CFAP299: variants seen among roughly 807,000 people sequenced by gnomAD.
CFAP299 encodes the protein cilia- and flagella-associated protein 299.
CFAP299 carries 21 observed loss-of-function variants against 27.0 expected under a neutral mutation model. The ratio of observed to expected loss-of-function variants is 0.78; its 90% CI spans 0.55 to 1.12. The LOEUF (loss-of-function observed/expected upper bound fraction) is 1.12. CFAP299 is among the 50% of genes most tolerant of loss of function. CFAP299 has a pLI of 0.00. For missense variants in CFAP299, 310 were observed against 276.6 expected (o/e 1.12, Z -0.86); for synonymous variants, 104 against 98.1 (o/e 1.06, Z -0.36).
chr4:80,329,204 T>TATAC, the CFAP299 span, among the ~76,000 whole-genome samples: 1 of 39,856 alleles, frequency 2.5e-5, no homozygotes. Flanking sequence ...CAGTACACTG[T>TATAC]ATACATATAT....
chr4:80,693,962 G>A (rs1328758194), intron 3 of CFAP299, among the ~76,000 whole-genome samples: 4 of 151,988 alleles, frequency 2.6e-5, no homozygotes, highest in African/African-American at 9.7e-5. Context: ...AAAGCCAAAT[G>A]TAGTCACTGA....
At chr4:80,910,343 G>A (rs1735404937) in intron 4 of CFAP299, among the ~76,000 whole-genome samples, 1 of 152,042 alleles carries the variant, frequency 6.6e-6, no homozygotes, top group Non-Finnish European at 1.5e-5. Flanking sequence ...TATATGTAAA[G>A]GAATATAAAT....
chr4:80,945,057 T>C, intron 5 of CFAP299, 118 bp downstream of exon 5: 2 of 1,013,012 alleles, frequency 2.0e-6, no homozygotes. Flanking sequence ...AGAAAGGAAA[T>C]AACATTTTGA....
At chr4:80,938,354 G>T (rs1737024189) in intron 4 of CFAP299, among the ~76,000 whole-genome samples, 1 of 152,206 alleles carries the variant, frequency 6.6e-6, no homozygotes, top group Non-Finnish European at 1.5e-5. Context: ...CCCACCCAGG[G>T]CGGAAAACTG....
At chr4:80,667,721 A>G (rs138158234) in intron 3 of CFAP299, among the ~76,000 whole-genome samples, 49 of 152,188 alleles carry the variant, frequency 3.2e-4, no homozygotes, top group African/African-American at 1.1e-3. Flanking sequence ...CCACTCATTC[A>G]TTGATGGGCA....
At position 80,800,045 on chromosome 4, in the gene CFAP299, A is replaced by C. The variant is rs1276022826; in HGVS notation, c.334-69948A>C. Among the ~76,000 whole-genome samples the C allele has an allele frequency of 1.1e-3, 70 of 64,066 alleles. 2 individuals carry two copies. The highest frequency in any genetic ancestry group is 4.4e-3 in the African/African-American group (67 of 15,296). 42.0% of individuals were successfully genotyped at this position (64,066 alleles called of 152,430 possible). A position where few individuals can be genotyped will look rare whatever the true frequency, so the allele number is the denominator to read the frequency against. The stretch of plus-strand genomic sequence containing the variant: ...TATTATATATAATATATAATAATAT[A>C]TAATAAATGCTATAATATATATTAT... On this transcript the variant is annotated intron_variant, in intron 3 of 5. Transcript: ENST00000358105.
chr4:80,599,369 G>A (rs761595517), intron 3 of CFAP299, among the ~76,000 whole-genome samples: 1 of 152,030 alleles, frequency 6.6e-6, no homozygotes, highest in South Asian at 2.1e-4. Context: ...TTTCTAACTC[G>A]TTATTAGCAG....
intron 2 of CFAP299, among the ~76,000 whole-genome samples, chr4:80,562,478 A>G (rs1486883667): frequency 2.6e-5 from 4 of 151,492 alleles, no homozygotes; most frequent in East Asian, 3.9e-4. Flanking sequence ...GGTGCCCGTA[A>G]TCCCAGCTAC....
chr4:80,674,411 C>T (rs913664999), intron 3 of CFAP299, among the ~76,000 whole-genome samples: 1 of 152,176 alleles, frequency 6.6e-6, no homozygotes, highest in Non-Finnish European at 1.5e-5. Flanking sequence ...TGATGGTCTT[C>T]CCTTTGTGGG....
intron 3 of CFAP299, among the ~76,000 whole-genome samples, chr4:80,859,597 G>C (rs1028436045): frequency 6.6e-6 from 1 of 151,846 alleles, no homozygotes. Flanking sequence ...CTCTTTTAGG[G>C]CAGGCCTGGT....
intron 3 of CFAP299, among the ~76,000 whole-genome samples, chr4:80,670,529 G>T (rs1219279479): frequency 6.6e-6 from 1 of 152,168 alleles, no homozygotes; most frequent in Non-Finnish European, 1.5e-5. Context: ...GGGTCAAATG[G>T]TATTTCTAGA....
chr4:80,806,001 G>T (rs529725216), intron 3 of CFAP299, among the ~76,000 whole-genome samples: 171 of 152,238 alleles, frequency 1.1e-3, no homozygotes, highest in African/African-American at 4.0e-3. Flanking sequence ...TTAATAACAT[G>T]TAAAATAATA....
chr4:80,767,376 G>A (rs1035408902), intron 3 of CFAP299, among the ~76,000 whole-genome samples: 2 of 152,114 alleles, frequency 1.3e-5, no homozygotes, highest in Non-Finnish European at 2.9e-5. Context: ...TTGGGAGGCC[G>A]AGGCGGGTGG....
At chr4:80,411,793 A>G (rs1376119038) in intron 2 of CFAP299, among the ~76,000 whole-genome samples, 3 of 152,144 alleles carry the variant, frequency 2.0e-5, no homozygotes, top group African/African-American at 4.8e-5. Context: ...TTTGCATTCA[A>G]TAATTTAGAC....
At chr4:80,898,830 C>G (rs190674777) in intron 4 of CFAP299, among the ~76,000 whole-genome samples, 66 of 152,006 alleles carry the variant, frequency 4.3e-4, no homozygotes, top group African/African-American at 1.6e-3. Flanking sequence ...AGGTAATTTC[C>G]AGGAAATAAA....
chr4:80,897,383 T>C (rs1191104136), intron 4 of CFAP299, among the ~76,000 whole-genome samples: 1 of 152,228 alleles, frequency 6.6e-6, no homozygotes, highest in African/African-American at 2.4e-5. Context: ...TATATTCTGA[T>C]AGATAAAATA....
intron 3 of CFAP299, among the ~76,000 whole-genome samples, chr4:80,630,434 C>T (rs916892916): frequency 2.0e-5 from 3 of 151,956 alleles, no homozygotes; most frequent in African/African-American, 7.2e-5. Context: ...CTCTACTAAA[C>T]AATTTGGTGA....
intron 2 of CFAP299, among the ~76,000 whole-genome samples, chr4:80,552,102 T>G (rs1734550604): frequency 6.6e-6 from 1 of 152,244 alleles, no homozygotes; most frequent in Non-Finnish European, 1.5e-5. Context: ...AAAAGCATTC[T>G]ATGCCTTTGA....
chr4:80,685,688 G>A (rs1459009201), intron 3 of CFAP299, among the ~76,000 whole-genome samples: 8 of 150,160 alleles, frequency 5.3e-5, no homozygotes, highest in South Asian at 2.2e-4. Flanking sequence ...TAATTAAGGT[G>A]CCTGTGCTCT....
Sources: gnomAD v4.1 joint callset for allele counts (sites outside exome capture counted in the v4.1 genomes callset) on GRCh38, gnomAD v4.1.1 for gene constraint, MANE v1.5 for transcripts, NCBI Gene and HGNC (gene_info 2026-07-23, HGNC 2026-07-21) for gene names.